The following PPM1E variants were observed in gnomAD, a reference collection of about 807,000 sequenced individuals.
PPM1E encodes the protein protein phosphatase 1E.
Under a neutral mutation model 65.9 loss-of-function variants are expected in PPM1E, and 20 were observed. That is an observed-to-expected ratio of 0.30 (90% CI 0.21 to 0.44). The LOEUF (loss-of-function observed/expected upper bound fraction) is 0.44, where lower values mean the gene tolerates loss of function less well. Ranked by LOEUF, PPM1E falls within the 20% of genes least tolerant of loss-of-function variation. PPM1E has a pLI of 1.00. For synonymous variants in PPM1E, 352 were observed against 374.9 expected, an observed-to-expected ratio of 0.94 and a Z score of 0.70; for missense variants, 713 against 953.1, an observed-to-expected ratio of 0.75 and a Z score of 3.32.
chr17:58,948,237 A>G (rs2052189146), intron 1 of PPM1E, among the ~76,000 whole-genome samples: 1 of 152,202 alleles, frequency 6.6e-6, no homozygotes. Flanking sequence ...CTAAAATAGC[A>G]TGCGGGACCA....
intron 1 of PPM1E, among the ~76,000 whole-genome samples, chr17:58,862,866 G>C (rs967717154): frequency 1.3e-5 from 2 of 152,164 alleles, no homozygotes; most frequent in African/African-American, 4.8e-5. Flanking sequence ...TCTTGGAGGA[G>C]TATGTTTTCC....
At chr17:58,835,195 G>A (rs988016545) in intron 1 of PPM1E, among the ~76,000 whole-genome samples, 6 of 151,882 alleles carry the variant, frequency 4.0e-5, no homozygotes, top group Admixed American at 6.6e-5. Flanking sequence ...AGAAAAATTC[G>A]CCAACCATGG....
At position 58,949,276 on chromosome 17, in the gene PPM1E, G is replaced by A. The variant is rs544802254; in HGVS notation, c.465-6373G>A. ...TTCTTTGTCTCTTTTTATAGCTTTC[G>A]ACTTAAAGTCTGTTTTAGCTGATAT... On this transcript the variant is annotated intron_variant, in intron 1 of 6. Transcript: ENST00000308249. 1.3e-4 allele frequency among the ~76,000 whole-genome samples: 20 copies of A among 151,952 alleles called. No individual in the cohort carries two copies. The South Asian group carries it at 3.5e-3, about 27-fold the overall frequency.
At chr17:58,795,964 C>T (rs550805377) in intron 1 of PPM1E, among the ~76,000 whole-genome samples, 11 of 152,208 alleles carry the variant, frequency 7.2e-5, no homozygotes, top group Admixed American at 5.2e-4. Flanking sequence ...CAAATATTTT[C>T]TCCCGTTCTG....
chr17:58,792,984 A>G (rs961500671), intron 1 of PPM1E, among the ~76,000 whole-genome samples: 1 of 151,338 alleles, frequency 6.6e-6, no homozygotes, highest in Non-Finnish European at 1.5e-5. Context: ...TCTTGGCCTC[A>G]TGATCCGCCC....
intron 1 of PPM1E, among the ~76,000 whole-genome samples, chr17:58,803,502 C>T (rs1040696453): frequency 6.6e-6 from 1 of 152,076 alleles, no homozygotes; most frequent in African/African-American, 2.4e-5. Context: ...AGGGTTTTTG[C>T]ATTTATGTTC....
At chr17:58,794,188 G>C (rs543493967) in intron 1 of PPM1E, among the ~76,000 whole-genome samples, 2 of 151,846 alleles carry the variant, frequency 1.3e-5, no homozygotes, top group Non-Finnish European at 2.9e-5. Context: ...CAGGTGATCC[G>C]CCCACCTCAG....
intron 3 of PPM1E, 45 bp from the exon 4 acceptor site, chr17:58,969,494 A>C (rs367829357): frequency 2.0e-5 from 31 of 1,582,428 alleles, no homozygotes; most frequent in Middle Eastern, 1.7e-4. Context: ...CATTTGAATC[A>C]TGCTATACCC....
Position 58,794,974 on chromosome 17 carries a change from C to T in PPM1E, c.464+38513C>T, listed in dbSNP as rs145922899. On this transcript the variant is annotated intron_variant, in intron 1 of 6. Transcript: ENST00000308249. ...CATGATCTTGGCTCACTGCAACTTC[C>T]GCCTCCCGAGTTCAAGCAATCCTTG... is the stretch of plus-strand genomic sequence containing the variant. 4.4e-4 allele frequency among the ~76,000 whole-genome samples: 66 copies of T among 151,160 alleles called. No homozygotes were observed. In the East Asian group the frequency reaches 5.5e-3, roughly 12 times the overall value.
At chr17:58,965,249 T>C (rs892633971) in intron 2 of PPM1E, among the ~76,000 whole-genome samples, 2 of 152,082 alleles carry the variant, frequency 1.3e-5, no homozygotes, top group Non-Finnish European at 2.9e-5. Context: ...CATATTCCAA[T>C]AAACACTGTA....
chr17:58,965,980 A>G (rs2030210308), intron 3 of PPM1E, 87 bp downstream of exon 3: 8 of 1,336,212 alleles, frequency 6.0e-6, no homozygotes, highest in Non-Finnish European at 7.3e-6. Context: ...AACTTCTGTT[A>G]TATTTCTAAT....
At chr17:58,808,785 C>T (rs971560612) in intron 1 of PPM1E, among the ~76,000 whole-genome samples, 1 of 152,060 alleles carries the variant, frequency 6.6e-6, no homozygotes, top group Admixed American at 6.6e-5. Context: ...GTGCCAGTCA[C>T]TCTTGGCACA....
At chr17:58,938,121 A>T (rs1262000661) in intron 1 of PPM1E, among the ~76,000 whole-genome samples, 1 of 152,188 alleles carries the variant, frequency 6.6e-6, no homozygotes, top group African/African-American at 2.4e-5. Flanking sequence ...TTTGGATCTG[A>T]AGTGTGTTTA....
chr17:58,867,131 C>A (rs528307974), intron 1 of PPM1E, among the ~76,000 whole-genome samples: 1 of 152,258 alleles, frequency 6.6e-6, no homozygotes, highest in African/African-American at 2.4e-5. Flanking sequence ...CAGGCATGTG[C>A]CGCCACACCC....
chr17:58,951,036 C>T (rs2052231027), intron 1 of PPM1E: 1 of 152,202 alleles, frequency 6.6e-6, no homozygotes, highest in Non-Finnish European at 1.5e-5. Context: ...CCTCGGCCTC[C>T]CAAAGTGCTG....
intron 2 of PPM1E, among the ~76,000 whole-genome samples, chr17:58,958,010 G>T (rs2029905024): frequency 6.6e-6 from 1 of 152,064 alleles, no homozygotes; most frequent in South Asian, 2.1e-4. Flanking sequence ...GGGCATGGTG[G>T]CATGCACCCG....
rs2050408083 is a variant in PPM1E at position 58,815,671 on chromosome 17, A to G, written c.464+59210A>G. Among the ~76,000 whole-genome samples the G allele has an allele frequency of 2.6e-5, 4 of 152,170 alleles. No individual in the cohort carries two copies. In the South Asian group the frequency reaches 8.3e-4, roughly 32 times the overall value. On this transcript the variant is annotated intron_variant, in intron 1 of 6. Coordinates refer to ENST00000308249, the MANE Select transcript of PPM1E (RefSeq NM_014906.5). Reference sequence around the variant, plus strand: ...TATGTAAATCAAATGTCGATTATGTACTAGAGCTGATTTTGACATTGCTTT... The same window carrying G: ...TATGTAAATCAAATGTCGATTATGTGCTAGAGCTGATTTTGACATTGCTTT...
intron 1 of PPM1E, among the ~76,000 whole-genome samples, chr17:58,893,252 A>G (rs2051370191): frequency 6.6e-6 from 1 of 152,256 alleles, no homozygotes; most frequent in African/African-American, 2.4e-5. Context: ...TGGTGCATCC[A>G]GACAATGGAA....
chr17:58,878,913 A>T (rs1448529710), intron 1 of PPM1E, among the ~76,000 whole-genome samples: 1 of 152,080 alleles, frequency 6.6e-6, no homozygotes, highest in South Asian at 2.1e-4. Context: ...TCTAAAAAAA[A>T]AAAAGAAAAA....
Sources: allele counts gnomAD v4.1 joint callset (sites outside exome capture counted in the v4.1 genomes callset), GRCh38; gene constraint gnomAD v4.1.1; transcripts MANE v1.5; gene names NCBI Gene and HGNC (gene_info 2026-07-23, HGNC 2026-07-21).